The following RBFOX1 variants were observed in gnomAD, a reference collection of about 807,000 sequenced individuals.
RBFOX1 encodes RNA binding fox-1 homolog 1.
RBFOX1 carries 8 observed loss-of-function variants against 57.7 expected under a neutral mutation model. The observed-to-expected ratio is 0.14, with a 90% confidence interval of 0.08 to 0.25. The LOEUF is 0.25. Among genes scored for constraint, RBFOX1 ranks in the 10% least tolerant of loss-of-function variants. The pLI, the probability that RBFOX1 is intolerant of heterozygous loss-of-function variation, is 1.00. For synonymous variants in RBFOX1, 326 were observed against 222.4 expected, an observed-to-expected ratio of 1.47 and a Z score of -4.15; for missense variants, 611 against 548.5, an observed-to-expected ratio of 1.11 and a Z score of -1.14.
chr16:7,094,155 C>T (rs1360910911), intron 4 of RBFOX1, among the ~76,000 whole-genome samples: 1 of 151,366 alleles, frequency 6.6e-6, no homozygotes, highest in Admixed American at 6.6e-5. Context: ...ATTTTCCAAA[C>T]CTTCAGACAA....
At chr16:6,147,502 C>A (rs897565829) in intron 1 of RBFOX1, among the ~76,000 whole-genome samples, 8 of 152,114 alleles carry the variant, frequency 5.3e-5, no homozygotes, top group African/African-American at 1.9e-4. Flanking sequence ...TGTGTGTCCA[C>A]CTCTACACAT....
intron 4 of RBFOX1, among the ~76,000 whole-genome samples, chr16:7,184,655 G>A (rs2083370121): frequency 6.8e-6 from 1 of 146,450 alleles, no homozygotes; most frequent in African/African-American, 2.7e-5. Flanking sequence ...TGATCACATG[G>A]GTATACCTAA....
chr16:7,493,808 A>G (rs1429719508), intron 4 of RBFOX1, among the ~76,000 whole-genome samples: 1 of 152,238 alleles, frequency 6.6e-6, no homozygotes, highest in Non-Finnish European at 1.5e-5. Context: ...CATTGTGTGA[A>G]GCCACAATGT....
At chr16:5,820,562 C>T (rs1597378178) in intron 3 of RBFOX1, among the ~76,000 whole-genome samples, 1 of 152,294 alleles carries the variant, frequency 6.6e-6, no homozygotes, top group African/African-American at 2.4e-5. Context: ...ATTTCTTCCC[C>T]CACCTGCTTT....
chr16:5,373,411 A>G (rs779655392), intron 1 of RBFOX1, among the ~76,000 whole-genome samples: 1 of 152,106 alleles, frequency 6.6e-6, no homozygotes, highest in African/African-American at 2.4e-5. Flanking sequence ...TTCTTGTGAT[A>G]ATGAGTGAGT....
At chr16:6,085,688 G>A (rs900297579) in intron 1 of RBFOX1, among the ~76,000 whole-genome samples, 16 of 152,090 alleles carry the variant, frequency 1.1e-4, no homozygotes, top group South Asian at 4.1e-4. Flanking sequence ...GTGCATGCGC[G>A]CACGCACATG....
intron 1 of RBFOX1, among the ~76,000 whole-genome samples, chr16:6,136,217 A>G (rs963892550): frequency 3.3e-5 from 5 of 152,180 alleles, no homozygotes; most frequent in South Asian, 2.1e-4. Context: ...GGCGATGTGT[A>G]CTTGCTTCCC....
intron 3 of RBFOX1, among the ~76,000 whole-genome samples, chr16:5,626,201 C>T (rs2048346868): frequency 6.6e-6 from 1 of 152,150 alleles, no homozygotes; most frequent in Non-Finnish European, 1.5e-5. Flanking sequence ...TTGTGTCCTC[C>T]AACTTATCCT....
chr16:5,396,724 T>C (rs1425660574), intron 1 of RBFOX1, among the ~76,000 whole-genome samples: 1 of 152,202 alleles, frequency 6.6e-6, no homozygotes, highest in Non-Finnish European at 1.5e-5. Context: ...GACTCATCTG[T>C]ATCGTGGCTT....
intron 3 of RBFOX1, among the ~76,000 whole-genome samples, chr16:6,964,797 T>G (rs2083751512): frequency 6.6e-6 from 1 of 152,142 alleles, no homozygotes; most frequent in African/African-American, 2.4e-5. Flanking sequence ...TTGAAAAGCT[T>G]AAAGCTAAGA....
chr16:7,652,687 T>C (rs2065336074), intron 11 of RBFOX1, among the ~76,000 whole-genome samples: 1 of 152,216 alleles, frequency 6.6e-6, no homozygotes, highest in Non-Finnish European at 1.5e-5. Flanking sequence ...ATTACAGGCA[T>C]GAGCCACCGC....
At chr16:7,247,982 C>T (rs1386187394) in intron 4 of RBFOX1, among the ~76,000 whole-genome samples, 1 of 152,166 alleles carries the variant, frequency 6.6e-6, no homozygotes, top group African/African-American at 2.4e-5. Flanking sequence ...GTAAGACAAA[C>T]TCCCATGACA....
At chr16:5,872,596 T>C (rs1227300006) in intron 4 of RBFOX1, among the ~76,000 whole-genome samples, 2 of 150,552 alleles carry the variant, frequency 1.3e-5, no homozygotes, top group East Asian at 3.9e-4. Flanking sequence ...AATTGGCAGG[T>C]GTGGTGCTGT....
At chr16:6,708,306 T>A (rs73537593) in intron 3 of RBFOX1, among the ~76,000 whole-genome samples, 14,932 of 94,278 alleles carry the variant, frequency 0.16, 1,414 homozygotes, top group East Asian at 0.57. Flanking sequence ...ACACACACAC[T>A]CACACTCATT....
intron 4 of RBFOX1, among the ~76,000 whole-genome samples, chr16:5,966,200 C>G (rs1202924211): frequency 6.6e-6 from 1 of 152,096 alleles, no homozygotes; most frequent in African/African-American, 2.4e-5. Flanking sequence ...GTGAGTGATG[C>G]ATATAGAAAT....
intron 4 of RBFOX1, among the ~76,000 whole-genome samples, chr16:7,344,104 T>TTTTC (rs2096949202): frequency 7.3e-6 from 1 of 137,474 alleles, no homozygotes; most frequent in Non-Finnish European, 1.5e-5. Context: ...AGCTTTACTT[T>TTTTC]TTTTTTTTTT....
intron 4 of RBFOX1, among the ~76,000 whole-genome samples, chr16:5,969,564 C>T (rs1410621150): frequency 2.7e-5 from 4 of 150,264 alleles, no homozygotes; most frequent in Non-Finnish European, 5.9e-5. Flanking sequence ...TCTCATGATC[C>T]GCCTGCCTCA....
At chr16:7,197,437 G>C (rs1451174498) in intron 4 of RBFOX1, among the ~76,000 whole-genome samples, 3 of 109,090 alleles carry the variant, frequency 2.8e-5, no homozygotes, top group African/African-American at 1.2e-4. Flanking sequence ...AAACCTGTGA[G>C]TGGAAAAAAA....
chr16:7,496,900 G>T (rs769088059), intron 4 of RBFOX1, among the ~76,000 whole-genome samples: 1 of 152,102 alleles, frequency 6.6e-6, no homozygotes, highest in African/African-American at 2.4e-5. Flanking sequence ...ATTAGGATTA[G>T]AGTCATTGGT....
Sources: allele counts gnomAD v4.1 joint callset (sites outside exome capture counted in the v4.1 genomes callset), GRCh38; gene constraint gnomAD v4.1.1; transcripts MANE v1.5; gene names NCBI Gene and HGNC (gene_info 2026-07-23, HGNC 2026-07-21).